Variants in NTRK2 observed in about 807,000 individuals in gnomAD.
The protein encoded by NTRK2 is BDNF/NT-3 growth factors receptor.
In NTRK2, 13 loss-of-function variants were observed where a neutral mutation model predicts 94.5. That is an observed-to-expected ratio of 0.14 (90% confidence interval 0.09 to 0.22). The LOEUF (loss-of-function observed/expected upper bound fraction) is 0.22. Among genes scored for constraint, NTRK2 ranks in the 10% least tolerant of loss-of-function variants. The pLI is 1.00. For missense variants in NTRK2, 639 were observed against 1,071.2 expected, an observed-to-expected ratio of 0.60 and a Z score of 5.63; for synonymous variants, 372 against 407.4, an observed-to-expected ratio of 0.91 and a Z score of 1.05.
At chr9:84,782,160 C>G (rs2067653192) in intron 12 of NTRK2, among the ~76,000 whole-genome samples, 5 of 152,060 alleles carry the variant, frequency 3.3e-5, no homozygotes, top group Admixed American at 2.6e-4. Context: ...TGTTGTTTGT[C>G]TCGTTAACTG....
intron 14 of NTRK2, among the ~76,000 whole-genome samples, chr9:84,906,864 A>G (rs1272125508): frequency 1.3e-5 from 2 of 152,214 alleles, no homozygotes; most frequent in Non-Finnish European, 2.9e-5. Flanking sequence ...AGTTGTGTGT[A>G]TCAATAGACA....
chr9:84,945,047 G>T (rs1425157591), intron 15 of NTRK2, among the ~76,000 whole-genome samples: 2 of 152,170 alleles, frequency 1.3e-5, no homozygotes, highest in African/African-American at 4.8e-5. Flanking sequence ...CACCACCATT[G>T]TGAGGATTTG....
intron 12 of NTRK2, among the ~76,000 whole-genome samples, chr9:84,770,292 G>A (rs1436781292): frequency 6.6e-6 from 1 of 152,072 alleles, no homozygotes; most frequent in Non-Finnish European, 1.5e-5. Flanking sequence ...GAGTATGAAA[G>A]GTCACCCTCT....
At chr9:84,967,016 C>T (rs553143113) in intron 17 of NTRK2, among the ~76,000 whole-genome samples, 2 of 152,162 alleles carry the variant, frequency 1.3e-5, no homozygotes, top group African/African-American at 4.8e-5. Flanking sequence ...CTCTCTTGAA[C>T]ACCAGAGCTT....
intron 15 of NTRK2, among the ~76,000 whole-genome samples, chr9:84,939,665 A>C (rs1310666697): frequency 6.6e-6 from 1 of 152,206 alleles, no homozygotes; most frequent in Non-Finnish European, 1.5e-5. Context: ...TATTATAATC[A>C]GCTTTTATAA....
chr9:84,996,108 A>G (rs1829718405), intron 17 of NTRK2, among the ~76,000 whole-genome samples: 3 of 152,350 alleles, frequency 2.0e-5, no homozygotes, highest in African/African-American at 4.8e-5. Flanking sequence ...TTTGAACATT[A>G]TTGTGAACAT....
In NTRK2 at chr9:84,710,697, A is replaced by G. The variant is rs1034355208; in HGVS notation, c.489A>G (p.Gln163=). The G allele has an allele frequency of 1.9e-6, 3 of 1,614,074 alleles. No individual in the cohort carries two copies. The highest frequency in any genetic ancestry group is 2.5e-6 in the Non-Finnish European group (3 of 1,180,026). The stretch of plus-strand genomic sequence containing the variant: ...ACATTATGTGGATCAAGACTCTCCA[A>G]GAGGCTAAATCCAGTCCAGACACTC... ...SCDIMWIKTL[Q]EAKSSPDTQD... Residue 163 remains glutamine, a synonymous_variant, in exon 6 of 19, where the codon CAA becomes CAG. Transcript: ENST00000277120.
chr9:84,839,564 C>T (rs1410070015), intron 12 of NTRK2, among the ~76,000 whole-genome samples: 1 of 152,214 alleles, frequency 6.6e-6, no homozygotes, highest in African/African-American at 2.4e-5. Context: ...CAGTGACCAT[C>T]TTGCTGCATT....
intron 14 of NTRK2, among the ~76,000 whole-genome samples, chr9:84,904,320 T>C (rs2077013667): frequency 6.6e-6 from 1 of 152,208 alleles, no homozygotes. Flanking sequence ...CTTTGAATTT[T>C]AATAAGGCAA....
intron 12 of NTRK2, among the ~76,000 whole-genome samples, chr9:84,828,143 T>C (rs772812214): frequency 2.0e-5 from 3 of 152,196 alleles, no homozygotes; most frequent in Non-Finnish European, 4.4e-5. Flanking sequence ...GAATCGGAGC[T>C]GTCATTCTTT....
intron 9 of NTRK2, among the ~76,000 whole-genome samples, chr9:84,730,884 A>G (rs13293214): frequency 0.091 from 13,505 of 149,108 alleles, 1,121 homozygotes; most frequent in African/African-American, 0.22. Context: ...TAATATTTCT[A>G]CTATTATCAT....
chr9:84,983,088 T>A (rs959921294), intron 17 of NTRK2, among the ~76,000 whole-genome samples: 10 of 152,194 alleles, frequency 6.6e-5, no homozygotes, highest in African/African-American at 2.4e-5. Context: ...TGCTGATGCA[T>A]GAGCTGAGGA....
At chr9:84,967,681 A>T (rs1010605977) in intron 17 of NTRK2, among the ~76,000 whole-genome samples, 1 of 152,184 alleles carries the variant, frequency 6.6e-6, no homozygotes, top group Non-Finnish European at 1.5e-5. Context: ...CCCTGGAGAT[A>T]ATTTGGTTCA....
intron 14 of NTRK2, among the ~76,000 whole-genome samples, chr9:84,928,765 G>T (rs1289147219): frequency 6.6e-6 from 1 of 152,170 alleles, no homozygotes; most frequent in East Asian, 1.9e-4. Context: ...GCTAAAGGCA[G>T]GCTCTGCATT....
At chr9:84,706,909 T>G (rs951546422) in intron 4 of NTRK2, among the ~76,000 whole-genome samples, 4 of 152,164 alleles carry the variant, frequency 2.6e-5, no homozygotes, top group Non-Finnish European at 5.9e-5. Context: ...CTCATTGACT[T>G]CCTCCGGTTT....
intron 14 of NTRK2, among the ~76,000 whole-genome samples, chr9:84,899,127 C>G (rs1255745690): frequency 6.6e-6 from 1 of 152,136 alleles, no homozygotes; most frequent in Non-Finnish European, 1.5e-5. Flanking sequence ...ATTCTCCAAC[C>G]TAACATACAG....
intron 2 of NTRK2, 32 bp downstream of exon 2, chr9:84,670,992 C>A: frequency 6.3e-7 from 1 of 1,596,732 alleles, no homozygotes; most frequent in Non-Finnish European, 8.5e-7. Context: ...TCCTTTTTCT[C>A]CTTGCCCCTA....
intron 12 of NTRK2, among the ~76,000 whole-genome samples, chr9:84,753,940 A>G (rs932004916): frequency 2.0e-5 from 3 of 152,214 alleles, no homozygotes; most frequent in African/African-American, 7.2e-5. Flanking sequence ...CCCTTGGTTT[A>G]GGAAAATCAC....
intron 12 of NTRK2, among the ~76,000 whole-genome samples, chr9:84,832,357 TAAC>T (rs1177482117): frequency 1.3e-5 from 2 of 152,172 alleles, no homozygotes; most frequent in African/African-American, 4.8e-5. Context: ...AAGAAAAATA[TAAC>T]AAGGTAGAGC....
Sources: gnomAD v4.1 joint callset for allele counts (sites outside exome capture counted in the v4.1 genomes callset) on GRCh38, gnomAD v4.1.1 for gene constraint, MANE v1.5 for transcripts, NCBI Gene and HGNC (gene_info 2026-07-23, HGNC 2026-07-21) for gene names.